The following CNTNAP2 variants were observed in gnomAD, a reference collection of about 807,000 sequenced individuals.
CNTNAP2 encodes the protein contactin associated protein 2.
A neutral mutation model predicts 155.2 loss-of-function variants in CNTNAP2; 98 were observed. That is an observed-to-expected ratio of 0.63 (90% CI 0.54 to 0.75). The LOEUF (loss-of-function observed/expected upper bound fraction) is 0.75, where lower values mean the gene tolerates loss of function less well. Among genes scored for constraint, CNTNAP2 ranks in the 30% least tolerant of loss-of-function variants. CNTNAP2 has a pLI of 0.00. For missense variants in CNTNAP2, 1,727 were observed against 1,688.1 expected, an observed-to-expected ratio of 1.02 and a Z score of -0.40; for synonymous variants, 651 against 631.2, an observed-to-expected ratio of 1.03 and a Z score of -0.47.
chr7:148,267,804 C>T (rs1796700639), intron 21 of CNTNAP2, among the ~76,000 whole-genome samples: 1 of 152,186 alleles, frequency 6.6e-6, no homozygotes, highest in African/African-American at 2.4e-5. Context: ...CTCCAGGCTT[C>T]TCTATGTAGA....
At chr7:146,732,676 T>C (rs151028796) in intron 1 of CNTNAP2, among the ~76,000 whole-genome samples, 64 of 152,240 alleles carry the variant, frequency 4.2e-4, no homozygotes, top group African/African-American at 1.5e-3. Flanking sequence ...TCATTATCCG[T>C]GGGGGAATTG....
At chr7:146,817,562 T>C (rs528622865) in intron 2 of CNTNAP2, among the ~76,000 whole-genome samples, 1 of 152,112 alleles carries the variant, frequency 6.6e-6, no homozygotes, top group Non-Finnish European at 1.5e-5. Context: ...GAAAGCATGA[T>C]GCTGGCATCT....
At chr7:147,259,359 C>A (rs186685534) in intron 8 of CNTNAP2, among the ~76,000 whole-genome samples, 6 of 152,178 alleles carry the variant, frequency 3.9e-5, no homozygotes, top group African/African-American at 1.4e-4. Context: ...ACCAATACAT[C>A]TGTCATCTGT....
chr7:146,379,104 G>C (rs1443443659), intron 1 of CNTNAP2, among the ~76,000 whole-genome samples: 1 of 152,196 alleles, frequency 6.6e-6, no homozygotes, highest in Non-Finnish European at 1.5e-5. Context: ...TGCCTATCTT[G>C]AGCCTGTGCC....
rs546564341 is a variant in CNTNAP2 at position 146,848,398 on chromosome 7, T to C, written c.402+8494T>C. ...GCACTCACTGAGCACCTACTACTTA[T>C]TGAGGCTAGGGATAAACAGACCAAA... On this transcript the variant is annotated intron_variant, in intron 3 of 23. Coordinates refer to ENST00000361727, the MANE Select transcript of CNTNAP2 (RefSeq NM_014141.6). Among the ~76,000 whole-genome samples, 14 of 152,332 alleles carry C rather than the reference T, an allele frequency of 9.2e-5. No homozygotes were observed. In the South Asian group the frequency reaches 1.0e-3, roughly 11 times the overall value.
In CNTNAP2 at chr7:147,038,362, A is replaced by C. The variant is rs183213730; in HGVS notation, c.403-5545A>C. Among the ~76,000 whole-genome samples, 3 of 152,300 alleles carry C rather than the reference A, an allele frequency of 2.0e-5. No individual in the cohort carries two copies. The East Asian group carries it at 5.8e-4, about 29-fold the overall frequency. On this transcript the variant is annotated intron_variant, in intron 3 of 23. Coordinates refer to ENST00000361727, the MANE Select transcript of CNTNAP2 (RefSeq NM_014141.6). ...TCAAATGCAGTATATCTAAATCTTC[A>C]CTAATTATCTTTCCCTTCAAATATT...
At chr7:147,019,929 A>C (rs1468706344) in intron 3 of CNTNAP2, among the ~76,000 whole-genome samples, 1 of 152,182 alleles carries the variant, frequency 6.6e-6, no homozygotes, top group African/African-American at 2.4e-5. Context: ...TGTCCTGGCT[A>C]TAGCAGGTAG....
intron 1 of CNTNAP2, among the ~76,000 whole-genome samples, chr7:146,602,799 G>A (rs892407700): frequency 6.6e-6 from 1 of 152,158 alleles, no homozygotes; most frequent in Admixed American, 6.5e-5. Flanking sequence ...AGACAGAGTG[G>A]AGAACGAAAA....
chr7:148,011,664 C>T (rs1434213977), intron 15 of CNTNAP2, among the ~76,000 whole-genome samples: 2 of 152,150 alleles, frequency 1.3e-5, no homozygotes, highest in Non-Finnish European at 2.9e-5. Context: ...TGCTTATACA[C>T]GTGCTTTGAT....
chr7:146,836,241 A>G (rs1187586390), intron 2 of CNTNAP2, among the ~76,000 whole-genome samples: 1 of 108,346 alleles, frequency 9.2e-6, no homozygotes, highest in African/African-American at 7.5e-5. Context: ...CAGATTTTAA[A>G]TTTGTATTTT....
intron 8 of CNTNAP2, among the ~76,000 whole-genome samples, chr7:147,212,840 A>G (rs995987884): frequency 6.6e-6 from 1 of 152,220 alleles, no homozygotes; most frequent in African/African-American, 2.4e-5. Flanking sequence ...GTTCTTAAAT[A>G]GAAAAATGAA....
chr7:148,074,464 G>A (rs1803440704), intron 15 of CNTNAP2, among the ~76,000 whole-genome samples: 1 of 152,282 alleles, frequency 6.6e-6, no homozygotes, highest in African/African-American at 2.4e-5. Context: ...GCCGAGGCGG[G>A]TTGATCACTT....
intron 1 of CNTNAP2, among the ~76,000 whole-genome samples, chr7:146,292,534 T>C (rs1563024364): frequency 6.6e-6 from 1 of 152,142 alleles, no homozygotes; most frequent in Non-Finnish European, 1.5e-5. Flanking sequence ...TTGATGGGAA[T>C]GTAAATTAGT....
At chr7:146,695,981 G>T (rs1163230760) in intron 1 of CNTNAP2, among the ~76,000 whole-genome samples, 3 of 152,106 alleles carry the variant, frequency 2.0e-5, no homozygotes, top group Admixed American at 1.3e-4. Context: ...ATGTTCATGA[G>T]AGATATTAGT....
chr7:146,152,864 A>T (rs1406983477), intron 1 of CNTNAP2, among the ~76,000 whole-genome samples: 1 of 152,090 alleles, frequency 6.6e-6, no homozygotes, highest in Admixed American at 6.6e-5. Context: ...CTCAACAGGA[A>T]ATTGTTCTGA....
intron 1 of CNTNAP2, among the ~76,000 whole-genome samples, chr7:146,236,114 C>A (rs962161075): frequency 1.3e-5 from 2 of 152,030 alleles, no homozygotes; most frequent in African/African-American, 4.8e-5. Context: ...GTGCCTAACA[C>A]CACCCACTGC....
At chr7:148,153,980 G>A (rs1055303441) in intron 17 of CNTNAP2, among the ~76,000 whole-genome samples, 1 of 152,240 alleles carries the variant, frequency 6.6e-6, no homozygotes, top group African/African-American at 2.4e-5. Context: ...ATTTCAGACA[G>A]CTTCAGGAAG....
At chr7:146,758,153 C>A (rs76430225) in intron 1 of CNTNAP2, among the ~76,000 whole-genome samples, 3 of 152,198 alleles carry the variant, frequency 2.0e-5, no homozygotes, top group African/African-American at 7.2e-5. Context: ...AGCACACTTT[C>A]AATCACTTTT....
chr7:147,765,293 T>C (rs750363602), intron 13 of CNTNAP2, among the ~76,000 whole-genome samples: 20 of 152,156 alleles, frequency 1.3e-4, no homozygotes, highest in South Asian at 2.1e-4. Context: ...CTTCAAGATA[T>C]ATTCTCTCTG....
Sources: gnomAD v4.1 joint callset for allele counts (sites outside exome capture counted in the v4.1 genomes callset) on GRCh38, gnomAD v4.1.1 for gene constraint, MANE v1.5 for transcripts, NCBI Gene and HGNC (gene_info 2026-07-23, HGNC 2026-07-21) for gene names.